Variants in PDZRN4 observed in about 807,000 individuals in gnomAD.
PDZRN4 encodes the protein PDZ domain-containing RING finger protein 4.
In PDZRN4, 70 loss-of-function variants were observed where a neutral mutation model predicts 99.0. That is an observed-to-expected ratio of 0.71 (90% CI 0.58 to 0.86). The LOEUF is 0.86. Ranked by LOEUF, PDZRN4 falls within the 40% of genes least tolerant of loss-of-function variation. The pLI is 0.00. For missense variants in PDZRN4, 1,474 were observed against 1,331.2 expected, an observed-to-expected ratio of 1.11 and a Z score of -1.67; for synonymous variants, 551 against 501.6, an observed-to-expected ratio of 1.10 and a Z score of -1.32.
intron 3 of PDZRN4, among the ~76,000 whole-genome samples, chr12:41,249,065 TA>T (rs1167110881): frequency 3.3e-5 from 5 of 152,164 alleles, no homozygotes; most frequent in African/African-American, 7.2e-5. Context: ...TGGTTATTAC[TA>T]AACAAAAATG....
chr12:41,389,863 T>G (rs1248241508), intron 3 of PDZRN4, among the ~76,000 whole-genome samples: 1 of 152,192 alleles, frequency 6.6e-6, no homozygotes, highest in Non-Finnish European at 1.5e-5. Context: ...CTGCTGGATT[T>G]TACCACCTTC....
intron 3 of PDZRN4, among the ~76,000 whole-genome samples, chr12:41,380,143 C>T (rs560936508): frequency 6.6e-5 from 10 of 151,874 alleles, no homozygotes; most frequent in African/African-American, 1.5e-4. Context: ...TTATCTTCTC[C>T]GATGTAAATT....
chr12:41,331,010 A>G (rs1951738351), intron 3 of PDZRN4, among the ~76,000 whole-genome samples: 1 of 152,164 alleles, frequency 6.6e-6, no homozygotes, highest in South Asian at 2.1e-4. Flanking sequence ...AGCTGAGAGA[A>G]TTACTGAAGT....
At chr12:41,420,717 T>G (rs1952481477) in intron 3 of PDZRN4, among the ~76,000 whole-genome samples, 1 of 152,216 alleles carries the variant, frequency 6.6e-6, no homozygotes, top group Non-Finnish European at 1.5e-5. Flanking sequence ...TTTTAAAATC[T>G]AGGGATATCC....
chr12:41,245,608 G>A (rs1231131708), intron 3 of PDZRN4, among the ~76,000 whole-genome samples: 3 of 152,090 alleles, frequency 2.0e-5, no homozygotes, highest in Admixed American at 6.5e-5. Flanking sequence ...GTTCATAAAT[G>A]TTGAATCTGG....
intron 3 of PDZRN4, among the ~76,000 whole-genome samples, chr12:41,319,986 G>A (rs1176291150): frequency 6.6e-6 from 1 of 152,200 alleles, no homozygotes; most frequent in East Asian, 1.9e-4. Context: ...CAGCTGTGCA[G>A]TATGACTTTA....
intron 3 of PDZRN4, among the ~76,000 whole-genome samples, chr12:41,293,790 G>T (rs61926663): frequency 2.0e-5 from 3 of 152,116 alleles, no homozygotes; most frequent in South Asian, 4.1e-4. Context: ...ATTAATTTCT[G>T]TAGTGTTTCA....
intron 3 of PDZRN4, among the ~76,000 whole-genome samples, chr12:41,330,916 A>C (rs530644778): frequency 5.3e-5 from 8 of 152,244 alleles, no homozygotes; most frequent in Admixed American, 3.3e-4. Context: ...CATATCATTA[A>C]AAGGTTTTCA....
chr12:41,381,670 G>A (rs550792483), intron 3 of PDZRN4, among the ~76,000 whole-genome samples: 1 of 151,680 alleles, frequency 6.6e-6, no homozygotes, highest in Non-Finnish European at 1.5e-5. Flanking sequence ...ATGTTTTCTT[G>A]TAGTTCACTG....
At chr12:41,547,997 T>C (rs1938987019) in intron 5 of PDZRN4, among the ~76,000 whole-genome samples, 1 of 152,182 alleles carries the variant, frequency 6.6e-6, no homozygotes, top group South Asian at 2.1e-4. Flanking sequence ...AGAAGACCAT[T>C]GAAAAAGAAG....
chr12:41,336,567 C>G (rs915020073), intron 3 of PDZRN4, among the ~76,000 whole-genome samples: 2 of 152,132 alleles, frequency 1.3e-5, no homozygotes, highest in Non-Finnish European at 2.9e-5. Flanking sequence ...ACCTTGCCTG[C>G]TGCCTAGACA....
At chr12:41,357,116 G>A (rs1312037543) in intron 3 of PDZRN4, among the ~76,000 whole-genome samples, 1 of 151,788 alleles carries the variant, frequency 6.6e-6, no homozygotes, top group African/African-American at 2.4e-5. Flanking sequence ...AATCTAGAAA[G>A]ATTTACATTA....
intron 3 of PDZRN4, among the ~76,000 whole-genome samples, chr12:41,424,888 C>A (rs1225644599): frequency 6.6e-6 from 1 of 152,118 alleles, no homozygotes; most frequent in Non-Finnish European, 1.5e-5. Flanking sequence ...AATGCTCTTG[C>A]ACTTCTGCCC....
intron 3 of PDZRN4, among the ~76,000 whole-genome samples, chr12:41,270,932 T>C (rs979686132): frequency 3.9e-5 from 6 of 152,090 alleles, no homozygotes; most frequent in Admixed American, 3.3e-4. Context: ...AATAATACAG[T>C]ATAGTAAAGT....
intron 3 of PDZRN4, among the ~76,000 whole-genome samples, chr12:41,264,508 G>A (rs1268172778): frequency 6.6e-6 from 1 of 151,444 alleles, no homozygotes; most frequent in African/African-American, 2.4e-5. Context: ...AAATATACTA[G>A]TGAAAGAACA....
intron 3 of PDZRN4, among the ~76,000 whole-genome samples, chr12:41,336,729 G>A (rs1015151407): frequency 6.6e-6 from 1 of 152,020 alleles, no homozygotes; most frequent in East Asian, 1.9e-4. Flanking sequence ...GGTGGGTTGG[G>A]GCTTGGGAAG....
chr12:41,424,484 G>A (rs1350343485), intron 3 of PDZRN4, among the ~76,000 whole-genome samples: 2 of 152,152 alleles, frequency 1.3e-5, no homozygotes, highest in South Asian at 2.1e-4. Context: ...GCTAGATAAC[G>A]TTGCTATATG....
At chr12:41,338,539 TA>T (rs1211984481) in intron 3 of PDZRN4, among the ~76,000 whole-genome samples, 1 of 151,062 alleles carries the variant, frequency 6.6e-6, no homozygotes, top group Non-Finnish European at 1.5e-5. Context: ...TTCGAAAAGA[TA>T]AAAAAATCAA....
At chr12:41,414,370 A>C (rs957130159) in intron 3 of PDZRN4, among the ~76,000 whole-genome samples, 2 of 152,154 alleles carry the variant, frequency 1.3e-5, no homozygotes, top group African/African-American at 4.8e-5. Context: ...TAGCAAGATT[A>C]GGGAAATTTT....
Sources: gnomAD v4.1 joint callset for allele counts (sites outside exome capture counted in the v4.1 genomes callset) on GRCh38, gnomAD v4.1.1 for gene constraint, MANE v1.5 for transcripts, NCBI Gene and HGNC (gene_info 2026-07-23, HGNC 2026-07-21) for gene names.